PER1: variants seen among roughly 807,000 people sequenced by gnomAD.
PER1 encodes period circadian regulator 1, also known as period circadian protein homolog 1.
PER1 carries 87 observed loss-of-function variants against 125.9 expected under a neutral mutation model. The observed-to-expected ratio is 0.69, with a 90% CI of 0.58 to 0.83. The LOEUF (loss-of-function observed/expected upper bound fraction) is 0.83, where lower values mean the gene tolerates loss of function less well. Ranked by LOEUF, PER1 falls within the 40% of genes least tolerant of loss-of-function variation. PER1 has a pLI of 0.00. For missense variants in PER1, 1,775 were observed against 1,722.8 expected (o/e 1.03, Z -0.54); for synonymous variants, 801 against 714.7 (o/e 1.12, Z -1.93).
intron 17 of PER1, 68 bp downstream of exon 17, chr17:8,145,890 G>A (rs567086365): frequency 3.3e-6 from 5 of 1,508,232 alleles, no homozygotes; most frequent in African/African-American, 1.4e-5. Context: ...GGAGGGGAAA[G>A]GCAGGAGGGA....
In PER1 at chr17:8,143,844, G is replaced by A. The variant is rs143768431; in HGVS notation, c.2494C>T (p.Arg832Ter). 2.5e-6 allele frequency: 4 copies of A among 1,612,048 alleles called. No homozygotes were observed. Among genetic ancestry groups the A allele is most frequent in the Non-Finnish European group, 3.4e-6 (4 of 1,179,318 alleles). Residue 832 changes from arginine (R) to a stop codon, truncating the protein, a stop_gained, in exon 19 of 23, where the codon CGA (arginine) becomes TGA (stop). Transcript: ENST00000317276. LOFTEE classifies it high-confidence loss of function. ...CHHGPAPPSR[R>*]HHCRSKAKRS... is the part of the protein sequence containing the mutation. ...TTGGCTTTGGATCGGCAGTGGTGTCGGCGGCTTGGGGGTGCGGGGCCGTGG... is the reference window on the plus strand; with the variant it reads ...TTGGCTTTGGATCGGCAGTGGTGTCAGCGGCTTGGGGGTGCGGGGCCGTGG...
intron 17 of PER1, 124 bp downstream of exon 17, chr17:8,145,834 G>T: frequency 9.1e-7 from 1 of 1,104,208 alleles, no homozygotes; most frequent in Non-Finnish European, 1.3e-6. Flanking sequence ...GTAGCCCCAA[G>T]CCCCAGGTCA....
At position 8,148,157 on chromosome 17, in the gene PER1, G is replaced by A. The variant is rs199728079; in HGVS notation, c.1127+24C>T. 1.6e-5 allele frequency: 25 copies of A among 1,612,620 alleles called. No individual in the cohort carries two copies. In the East Asian group the frequency reaches 1.6e-4, roughly 10 times the overall value. ...CGTGGCCTCAGCCCTGGCTGCCCTC[G>A]TCTCCTCTAGGTCCTATCCTCACCT... is the stretch of plus-strand genomic sequence containing the variant. On this transcript the variant is annotated intron_variant, in intron 9 of 22. Coordinates refer to ENST00000317276, the MANE Select transcript of PER1 (RefSeq NM_002616.3).
chr17:8,145,901 G>A (rs1982400757), intron 17 of PER1, 57 bp downstream of exon 17: 1 of 1,526,844 alleles, frequency 6.5e-7, no homozygotes, highest in South Asian at 1.3e-5. Flanking sequence ...GCAGGAGGGA[G>A]CTCTAGCTGG....
At position 8,142,707 on chromosome 17, in the gene PER1, C is replaced by T; in HGVS notation, c.3201G>A (p.Leu1067=). The part of the protein sequence containing the change: ...SAASGSLGSG[L]GSGSGSGSHE... ...GGGAGCCTGAACCAGACCCAGAGCCCAAGCCAGAGCCCAAGGAGCCCGAGG... is the reference window on the plus strand; with the variant it reads ...GGGAGCCTGAACCAGACCCAGAGCCTAAGCCAGAGCCCAAGGAGCCCGAGG... Residue 1067 remains leucine, a synonymous_variant, in exon 20 of 23, where the codon TTG becomes TTA. Transcript: ENST00000317276. 1.9e-6 allele frequency: 3 copies of T among 1,613,906 alleles called. No individual in the cohort carries two copies. In the East Asian group the frequency reaches 6.7e-5, roughly 36 times the overall value.
Position 8,144,769 on chromosome 17 carries a change from AG to A in PER1, c.2442del (p.Ser815GlnfsTer101). On this transcript the variant is annotated frameshift_variant, in exon 18 of 23. Coordinates refer to ENST00000317276, the MANE Select transcript of PER1 (RefSeq NM_002616.3). LOFTEE classifies it high-confidence loss of function. ...TGGCTACCTCGCTCGCCAAGGGCTG[AG>A]GGAGCTGTGGAAGAGCTGTCGAGTC... ...LRGLDSSSTA[P>X]SALGERGCHH... 1 of 1,577,448 alleles carries A rather than the reference AG, an allele frequency of 6.3e-7. No homozygotes were observed. Among genetic ancestry groups the A allele is most frequent in the Non-Finnish European group, 8.6e-7 (1 of 1,162,610 alleles).
At position 8,146,448 on chromosome 17, in the gene PER1, G is replaced by A; in HGVS notation, c.1962C>T (p.Ser654=). 4 of 1,613,870 alleles carry A rather than the reference G, an allele frequency of 2.5e-6. No individual in the cohort carries two copies. The highest frequency in any genetic ancestry group is 2.5e-6 in the Non-Finnish European group (3 of 1,179,932). ...AGGCTGAGGAGGTGGTATAGGAGGA[G>A]GAGGAGGCACATTTACGCTTAGTGG... The part of the protein sequence containing the change: ...PSTTKRKCAS[S]SSYTTSSASD... The change falls in exon 16 of 23, where the codon TCC becomes TCT. Residue 654 remains serine (S), a synonymous_variant. Transcript: ENST00000317276.
At position 8,147,279 on chromosome 17, in the gene PER1, C is replaced by T; in HGVS notation, c.1600G>A (p.Asp534Asn). The change falls in exon 13 of 23, where the codon GAT becomes AAT. Residue 534 changes from aspartate to asparagine, a missense_variant. Physicochemically the swap from Asp to Asn is conservative, Grantham distance 23. Transcript: ENST00000317276. ...PGSSSDSNGG[D>N]AEGPGPPAPV... ...GCAGGAGGCCCAGGCCCCTCTGCAT[C>T]ACCCCCGTTGCTATCACTGGAGGAC... 6.2e-7 allele frequency: 1 copy of T among 1,612,520 alleles called. No homozygotes were observed. The highest frequency in any genetic ancestry group is 8.5e-7 in the Non-Finnish European group (1 of 1,179,402).
In PER1 at chr17:8,149,812, G is replaced by A; in HGVS notation, c.594C>T (p.Ser198=). 6.2e-7 allele frequency: 1 copy of A among 1,613,838 alleles called. No individual in the cohort carries two copies. Among genetic ancestry groups the A allele is most frequent in the South Asian group, 1.1e-5 (1 of 91,084 alleles). The stretch of plus-strand genomic sequence containing the variant: ...GCTCCAGCTCCTCCAGGGTATAGGT[G>A]GACATGTCCATGGAGCAAGGCTCGC... The part of the protein sequence containing the change: ...EEGEPCSMDM[S]TYTLEELEHI... Residue 198 remains serine, a synonymous_variant, in exon 5 of 23, where the codon TCC becomes TCT. Transcript: ENST00000317276.
chr17:8,148,921 G>C (rs1196542589), intron 7 of PER1, 135 bp from the exon 8 acceptor site: 4 of 1,034,372 alleles, frequency 3.9e-6, no homozygotes, highest in Admixed American at 5.2e-5. Context: ...GGGCACGGTG[G>C]CTCACGCCTT....
intron 16 of PER1, 111 bp from the exon 17 acceptor site, chr17:8,146,248 C>A: frequency 6.6e-7 from 1 of 1,522,294 alleles, no homozygotes; most frequent in South Asian, 1.3e-5. Flanking sequence ...AGGGAACAGT[C>A]TGGAGACCAG....
In PER1 at chr17:8,142,325, C is replaced by G. The variant is rs763983515; in HGVS notation, c.3393G>C (p.Trp1131Cys). Residue 1131 changes from tryptophan (W) to cysteine (C), a missense_variant, in exon 21 of 23, where the codon TGG (tryptophan) becomes TGC (cysteine). Trp to Cys is a radical substitution (Grantham distance 215, BLOSUM62 -2). Transcript: ENST00000317276. Reference protein sequence around the residue: ...VIKYVLQDPIWLLMANADQRV... With the variant: ...VIKYVLQDPICLLMANADQRV... ...GCTGGTCAGCATTGGCCATGAGCAG[C>G]CAAATGGGATCCTGGAGCACGTACT... The G allele has an allele frequency of 1.2e-6, 2 of 1,613,344 alleles. No individual in the cohort carries two copies. Among genetic ancestry groups the G allele is most frequent in the East Asian group, 4.5e-5 (2 of 44,884 alleles).
At chr17:8,151,593 A>C (rs143093744) in intron 1 of PER1, among the ~76,000 whole-genome samples, 1 of 152,228 alleles carries the variant, frequency 6.6e-6, no homozygotes, top group Non-Finnish European at 1.5e-5. Flanking sequence ...AAAGCCCCTC[A>C]ACCTGACTCT....
At chr17:8,141,598 T>C (rs1297213401) in intron 22 of PER1, among the ~76,000 whole-genome samples, 2 of 152,152 alleles carry the variant, frequency 1.3e-5, no homozygotes, top group Non-Finnish European at 2.9e-5. Context: ...CGCGGCTTAA[T>C]ATTCTATAAT....
intron 22 of PER1, 32 bp from the exon 23 acceptor site, chr17:8,141,372 G>T: frequency 6.4e-7 from 1 of 1,569,282 alleles, no homozygotes; most frequent in Non-Finnish European, 8.6e-7. Context: ...GAGAGAGTCA[G>T]ACAGGGTTCT....
intron 1 of PER1, among the ~76,000 whole-genome samples, chr17:8,151,287 C>G (rs999446649): frequency 2.6e-5 from 4 of 152,254 alleles, no homozygotes; most frequent in Non-Finnish European, 5.9e-5. Flanking sequence ...GGCCCCACCA[C>G]GCGCTTCCGC....
rs767117865 is a variant in PER1, at chr17:8,143,831, C to T, written c.2507G>A (p.Arg836Gln). 3.5e-5 allele frequency: 57 copies of T among 1,611,920 alleles called. No homozygotes were observed. The highest frequency in any genetic ancestry group is 5.4e-5 in the African/African-American group (4 of 74,678). ...GTGGCGTGAGCGCTTGGCTTTGGAT[C>T]GGCAGTGGTGTCGGCGGCTTGGGGG... is the stretch of plus-strand genomic sequence containing the variant. Reference protein sequence around the residue: ...PAPPSRRHHCRSKAKRSRHHQ... With the variant: ...PAPPSRRHHCQSKAKRSRHHQ... Residue 836 changes from arginine to glutamine, a missense_variant, in exon 19 of 23, where the codon CGA becomes CAA. Physicochemically the swap from Arg to Gln is conservative, Grantham distance 43. Transcript: ENST00000317276.
intron 21 of PER1, 46 bp downstream of exon 21, chr17:8,142,220 CACT>C (rs1982123997): frequency 2.8e-6 from 4 of 1,453,694 alleles, no homozygotes; most frequent in Non-Finnish European, 3.7e-6. Context: ...AAACTGCCCC[CACT>C]ACTACCTCTG....
chr17:8,150,402 C>T (rs1234608366), intron 2 of PER1, 30 bp downstream of exon 2: 4 of 1,584,814 alleles, frequency 2.5e-6, no homozygotes, highest in East Asian at 2.2e-5. Flanking sequence ...CAAGACCATT[C>T]CTAGACCCAA....
Sources: gnomAD v4.1 joint callset for allele counts (sites outside exome capture counted in the v4.1 genomes callset) on GRCh38, gnomAD v4.1.1 for gene constraint, MANE v1.5 for transcripts, NCBI Gene and HGNC (gene_info 2026-07-23, HGNC 2026-07-21) for gene names.